Variants in SPATA6 observed in about 807,000 individuals in gnomAD.
SPATA6 encodes spermatogenesis-associated protein 6.
SPATA6 carries 56 observed loss-of-function variants against 65.3 expected under a neutral mutation model. The ratio of observed to expected loss-of-function variants is 0.86; its 90% CI spans 0.69 to 1.07. The LOEUF (loss-of-function observed/expected upper bound fraction) is 1.07. SPATA6 is among the 50% of genes least tolerant of loss of function. The pLI is 0.00. For synonymous variants in SPATA6, 199 were observed against 213.2 expected (o/e 0.93, Z 0.58); for missense variants, 590 against 594.8 (o/e 0.99, Z 0.08).
At position 48,295,785 on chromosome 1, in the gene SPATA6, G is replaced by A. The variant is rs906926946; in HGVS notation, c.*2928C>T. The A allele has an allele frequency of 6.6e-6, 1 of 152,012 alleles. No homozygotes were observed. The highest frequency in any genetic ancestry group is 1.5e-5 in the Non-Finnish European group (1 of 67,990). 9.4% of individuals were successfully genotyped at this position (152,012 alleles called of 1,614,324 possible). ...TAATGAAAATTCTCTATTTGTTCCA[G>A]ATTTTTCATCAGGGGCTTAATCTTT... is the stretch of plus-strand genomic sequence containing the variant. On this transcript the variant is annotated 3_prime_UTR_variant, in exon 13 of 13. Coordinates refer to ENST00000371847, the MANE Select transcript of SPATA6 (RefSeq NM_019073.4).
At chr1:48,413,969 T>C (rs1421020953) in intron 3 of SPATA6, among the ~76,000 whole-genome samples, 1 of 152,206 alleles carries the variant, frequency 6.6e-6, no homozygotes, top group Non-Finnish European at 1.5e-5. Context: ...ACAAGATAAA[T>C]TGTCTGTTTG....
At chr1:48,311,626 C>T (rs112689484) in intron 11 of SPATA6, among the ~76,000 whole-genome samples, 3,904 of 152,272 alleles carry the variant, frequency 0.026, 112 homozygotes, top group African/African-American at 0.071. Context: ...CTCCAGTCTA[C>T]AGCTCCCAAC....
intron 12 of SPATA6, among the ~76,000 whole-genome samples, chr1:48,305,089 T>C (rs527388736): frequency 1.3e-5 from 2 of 152,272 alleles, no homozygotes; most frequent in South Asian, 4.1e-4. Flanking sequence ...TAAGGAAAAG[T>C]CCTCACATGT....
intron 10 of SPATA6, among the ~76,000 whole-genome samples, chr1:48,358,545 A>C (rs906406357): frequency 1.3e-5 from 2 of 152,162 alleles, no homozygotes; most frequent in Non-Finnish European, 2.9e-5. Context: ...AAAAGAAAGG[A>C]GCACCAACTG....
intron 11 of SPATA6, among the ~76,000 whole-genome samples, chr1:48,311,597 G>A (rs1410708285): frequency 1.2e-4 from 19 of 152,208 alleles, no homozygotes; most frequent in Admixed American, 1.2e-3. Flanking sequence ...AGGGAGCCAA[G>A]ATAGCTGAAT....
the SPATA6 span, among the ~76,000 whole-genome samples, chr1:48,284,877 G>T: frequency 7.9e-5 from 12 of 152,122 alleles, no homozygotes; most frequent in African/African-American, 1.4e-4. Context: ...ACCCCTGCTG[G>T]CAGGTGTCTC....
chr1:48,289,754 T>C, the SPATA6 span, among the ~76,000 whole-genome samples: 16 of 152,158 alleles, frequency 1.1e-4, no homozygotes, highest in East Asian at 1.9e-4. Context: ...GTGTTAGTGA[T>C]TGAAGAATCA....
At chr1:48,262,196 G>A in the SPATA6 span, 2 of 152,128 alleles carry the variant, frequency 1.3e-5, no homozygotes, top group African/African-American at 4.8e-5. Flanking sequence ...AATAAAAACA[G>A]GACAAAGTGA....
intron 11 of SPATA6, among the ~76,000 whole-genome samples, chr1:48,343,151 T>C (rs1365939892): frequency 6.6e-6 from 1 of 152,108 alleles, no homozygotes; most frequent in Non-Finnish European, 1.5e-5. Flanking sequence ...TTTTGTGTGA[T>C]GAAATGTACA....
chr1:48,420,867 G>T (rs886413559), intron 3 of SPATA6, among the ~76,000 whole-genome samples: 1 of 152,132 alleles, frequency 6.6e-6, no homozygotes, highest in Non-Finnish European at 1.5e-5. Flanking sequence ...GAAAAAGAAT[G>T]AAATCTTATC....
chr1:48,262,693 C>T, the SPATA6 span: 3 of 152,108 alleles, frequency 2.0e-5, no homozygotes, highest in African/African-American at 7.2e-5. Context: ...AGAACCCCAA[C>T]TTTAAAAATG....
intron 12 of SPATA6, among the ~76,000 whole-genome samples, chr1:48,304,982 A>G (rs1431939115): frequency 2.0e-5 from 3 of 152,168 alleles, no homozygotes; most frequent in Non-Finnish European, 4.4e-5. Flanking sequence ...TACCTATAAT[A>G]AACTGTTTAA....
chr1:48,292,056 T>G (rs1644771713), downstream of SPATA6, among the ~76,000 whole-genome samples: 1 of 152,226 alleles, frequency 6.6e-6, no homozygotes, highest in African/African-American at 2.4e-5. Context: ...AACTCATGAA[T>G]ACCCATTTCT....
At chr1:48,292,510 G>A (rs774716273), downstream of SPATA6, among the ~76,000 whole-genome samples, 5 of 152,196 alleles carry the variant, frequency 3.3e-5, no homozygotes, top group Non-Finnish European at 7.3e-5. Flanking sequence ...AGAGCTAGGG[G>A]TGCACACAAC....
chr1:48,469,294 T>TA (rs1312552629), intron 1 of SPATA6, among the ~76,000 whole-genome samples: 1 of 152,160 alleles, frequency 6.6e-6, no homozygotes, highest in Non-Finnish European at 1.5e-5. Flanking sequence ...GGGTTACAGT[T>TA]ATTCATTGAA....
At chr1:48,273,515 G>C in the SPATA6 span, among the ~76,000 whole-genome samples, 1 of 152,082 alleles carries the variant, frequency 6.6e-6, no homozygotes, top group East Asian at 1.9e-4. Context: ...AACAGGCCCC[G>C]GTGGTGTGAT....
the SPATA6 span, among the ~76,000 whole-genome samples, chr1:48,287,633 T>C: frequency 6.6e-6 from 1 of 152,354 alleles, no homozygotes; most frequent in South Asian, 2.1e-4. Context: ...GCTCCCTTTC[T>C]TGCCATGTGG....
chr1:48,276,923 G>T, the SPATA6 span, among the ~76,000 whole-genome samples: 2 of 151,642 alleles, frequency 1.3e-5, no homozygotes, highest in African/African-American at 4.8e-5. Context: ...ATTGACAGTG[G>T]GGTGTTCAAG....
chr1:48,345,906 C>A (rs767691093), intron 11 of SPATA6, among the ~76,000 whole-genome samples: 1 of 151,978 alleles, frequency 6.6e-6, no homozygotes, highest in Non-Finnish European at 1.5e-5. Flanking sequence ...TTGAATTCTA[C>A]CAGATGTACA....
Sources: gnomAD v4.1 joint callset for allele counts (sites outside exome capture counted in the v4.1 genomes callset) on GRCh38, gnomAD v4.1.1 for gene constraint, MANE v1.5 for transcripts, NCBI Gene and HGNC (gene_info 2026-07-23, HGNC 2026-07-21) for gene names.